GRIK3: variants seen among roughly 807,000 people sequenced by gnomAD.
GRIK3 encodes glutamate receptor ionotropic, kainate 3.
Under a neutral mutation model 102.5 loss-of-function variants are expected in GRIK3, and 29 were observed. The ratio of observed to expected loss-of-function variants is 0.28; its 90% CI spans 0.21 to 0.39. The LOEUF is 0.39. GRIK3 is among the 10% of genes least tolerant of loss of function. The probability of loss-of-function intolerance (pLI) is 1.00; values close to 1 mark genes in which losing one functional copy is unlikely to be tolerated. For synonymous variants in GRIK3, 511 were observed against 504.9 expected (o/e 1.01, Z -0.16); for missense variants, 908 against 1,252.4 (o/e 0.73, Z 4.15).
At chr1:37,024,782 A>G (rs1642751021) in intron 1 of GRIK3, among the ~76,000 whole-genome samples, 1 of 150,888 alleles carries the variant, frequency 6.6e-6, no homozygotes, top group South Asian at 2.1e-4. Flanking sequence ...TCAAGATTAC[A>G]CAGGTGGGAA....
Position 36,841,849 on chromosome 1 carries a change from G to T in GRIK3, c.1417C>A (p.Leu473Met), listed in dbSNP as rs2124216812. 4 of 1,614,092 alleles carry T rather than the reference G, an allele frequency of 2.5e-6. No homozygotes were observed. Among genetic ancestry groups the T allele is most frequent in the Non-Finnish European group, 3.4e-6 (4 of 1,179,924 alleles). The change falls in exon 10 of 16, where the codon CTG becomes ATG. Residue 473 changes from leucine (L) to methionine (M), a missense_variant. Physicochemically the swap from Leu to Met is conservative, Grantham distance 15 (BLOSUM62 2). Around this residue, in one of 3 missense-constraint regions of GRIK3, gnomAD observed 585 missense variants for 824.9 expected, o/e 0.71. Transcript: ENST00000373091. The part of the protein sequence containing the change: ...EGYCIDLLKE[L>M]AHILGFSYEI... ...TAGGAGAAACCAAGGATGTGGGCCAGCTCCTTTAGCAGGTCGATGCAGTAG... is the reference window on the plus strand; with the variant it reads ...TAGGAGAAACCAAGGATGTGGGCCATCTCCTTTAGCAGGTCGATGCAGTAG...
intron 1 of GRIK3, among the ~76,000 whole-genome samples, chr1:36,996,167 G>A (rs1196065922): frequency 6.6e-6 from 1 of 152,204 alleles, no homozygotes; most frequent in African/African-American, 2.4e-5. Context: ...CTGCTTCCAG[G>A]ATCTTACGGA....
intron 1 of GRIK3, among the ~76,000 whole-genome samples, chr1:36,933,320 C>T (rs1641618137): frequency 6.6e-6 from 1 of 152,146 alleles, no homozygotes; most frequent in Non-Finnish European, 1.5e-5. Context: ...CAAAGTCACT[C>T]GTGAAGGTGT....
chr1:36,859,354 C>T, intron 6 of GRIK3, 103 bp from the exon 7 acceptor site: 1 of 1,296,304 alleles, frequency 7.7e-7, no homozygotes, highest in South Asian at 1.4e-5. Flanking sequence ...TACATGATGT[C>T]CTGGTGAGCG....
At chr1:36,863,952 C>T (rs1640755293) in intron 5 of GRIK3, among the ~76,000 whole-genome samples, 1 of 152,106 alleles carries the variant, frequency 6.6e-6, no homozygotes, top group Non-Finnish European at 1.5e-5. Flanking sequence ...GGGGCAGCTT[C>T]AAGGAAGGGC....
chr1:36,861,956 C>G (rs1258114828), intron 5 of GRIK3, among the ~76,000 whole-genome samples: 2 of 152,068 alleles, frequency 1.3e-5, no homozygotes, highest in African/African-American at 4.8e-5. Flanking sequence ...GGTGGCAGTG[C>G]TCAGCCCTGC....
rs566390254 is a variant in GRIK3 at position 36,999,523 on chromosome 1, G to A, written c.115+34471C>T. On this transcript the variant is annotated intron_variant, in intron 1 of 15. Coordinates refer to ENST00000373091, the MANE Select transcript of GRIK3 (RefSeq NM_000831.4). ...ATCTCCCCTACTCACCACCCACAGA[G>A]GCCTGAGGCAGCTGGAAAGGGGCCT... is the stretch of plus-strand genomic sequence containing the variant. Among the ~76,000 whole-genome samples, 3 of 152,132 alleles carry A rather than the reference G, an allele frequency of 2.0e-5. No homozygotes were observed. The East Asian group carries it at 5.8e-4, about 29-fold the overall frequency.
At chr1:36,907,719 G>A (rs1469379785) in intron 1 of GRIK3, among the ~76,000 whole-genome samples, 1 of 152,118 alleles carries the variant, frequency 6.6e-6, no homozygotes, top group Non-Finnish European at 1.5e-5. Context: ...CAGTACAAGG[G>A]TGGGAGGTGT....
intron 5 of GRIK3, among the ~76,000 whole-genome samples, chr1:36,867,384 T>C (rs1487052761): frequency 2.6e-5 from 4 of 152,162 alleles, no homozygotes; most frequent in Admixed American, 2.6e-4. Flanking sequence ...CATCATAGAA[T>C]GTCTAGCATC....
chr1:36,804,753 G>T (rs572760774), intron 15 of GRIK3: 1 of 571,538 alleles, frequency 1.7e-6, no homozygotes, highest in East Asian at 3.0e-5. Context: ...TGAAGGCTGC[G>T]GCATAATCCA....
rs115672401 is a variant in GRIK3 at position 36,913,159 on chromosome 1, T to C, written c.116-22063A>G. 5.3e-3 allele frequency among the ~76,000 whole-genome samples: 808 copies of C among 152,278 alleles called. 6 individuals are homozygous for C. Among genetic ancestry groups the C allele is most frequent in the African/African-American group, 0.018 (767 of 41,562 alleles). ...TGCACAGAGAGGGCCTGGCTCTCCC[T>C]GGATGGGGGCGTGTCCCACCACCAT... On this transcript the variant is annotated intron_variant, in intron 1 of 15. Transcript: ENST00000373091.
chr1:36,909,552 C>T (rs1446097394), intron 1 of GRIK3, among the ~76,000 whole-genome samples: 8 of 152,160 alleles, frequency 5.3e-5, no homozygotes, highest in Non-Finnish European at 1.0e-4. Context: ...CTGCCTGCCT[C>T]GGCCTCCCAA....
chr1:36,992,753 G>A (rs551082609), intron 1 of GRIK3, among the ~76,000 whole-genome samples: 5 of 152,210 alleles, frequency 3.3e-5, no homozygotes, highest in South Asian at 2.1e-4. Context: ...AGCATCCTAA[G>A]CGGCTTCCAT....
intron 1 of GRIK3, among the ~76,000 whole-genome samples, chr1:36,924,597 T>A (rs1641508161): frequency 6.6e-6 from 1 of 152,114 alleles, no homozygotes; most frequent in South Asian, 2.1e-4. Context: ...CAGAGCCTCC[T>A]AATGCCTCCC....
chr1:36,897,937 T>C (rs189058515), intron 1 of GRIK3, among the ~76,000 whole-genome samples: 1 of 152,188 alleles, frequency 6.6e-6, no homozygotes, highest in Non-Finnish European at 1.5e-5. Context: ...GTGGTGCTTA[T>C]ACACAATGGA....
In GRIK3 at chr1:36,795,835, G is replaced by A. The variant is rs903680482; in HGVS notation, c.*6016C>T. On this transcript the variant is annotated 3_prime_UTR_variant, in exon 16 of 16. Transcript: ENST00000373091. ...GGAGTGGGGGGCGTCCAGGCACTCT[G>A]GTCTGGGTGGTGGGACAGGTCTAGG... The A allele has an allele frequency of 1.3e-5, 2 of 152,272 alleles. No individual in the cohort carries two copies. Among genetic ancestry groups the A allele is most frequent in the East Asian group, 3.9e-4 (2 of 5,186 alleles). 9.4% of individuals were successfully genotyped at this position (152,272 alleles called of 1,614,324 possible).
At chr1:37,015,420 G>C (rs1406755066) in intron 1 of GRIK3, among the ~76,000 whole-genome samples, 2 of 152,212 alleles carry the variant, frequency 1.3e-5, no homozygotes, top group Non-Finnish European at 2.9e-5. Flanking sequence ...TTAATCTGAA[G>C]CTTCCCACTG....
At position 36,959,897 on chromosome 1, in the gene GRIK3, C is replaced by T. The variant is rs566630949; in HGVS notation, c.116-68801G>A. ...GCCGTGTGCCCCATGATTCTGTGCCCCATGAGCCTGTGTGCCCTGTGAGCC... is the reference window on the plus strand; with the variant it reads ...GCCGTGTGCCCCATGATTCTGTGCCTCATGAGCCTGTGTGCCCTGTGAGCC... On this transcript the variant is annotated intron_variant, in intron 1 of 15. Coordinates refer to ENST00000373091, the MANE Select transcript of GRIK3 (RefSeq NM_000831.4). Among the ~76,000 whole-genome samples, 78 of 119,380 alleles carry T rather than the reference C, an allele frequency of 6.5e-4. 4 individuals are homozygous for T. Among genetic ancestry groups the T allele is most frequent in the African/African-American group, 2.2e-3 (74 of 33,998 alleles). The allele number at this position is 119,380 out of a possible 152,430, so 78.3% of individuals were successfully genotyped here.
At chr1:36,868,505 G>A (rs1044896874) in intron 5 of GRIK3, among the ~76,000 whole-genome samples, 8 of 152,192 alleles carry the variant, frequency 5.3e-5, no homozygotes, top group African/African-American at 1.9e-4. Flanking sequence ...GAGGATAAGT[G>A]CTTAATAACC....
Sources: allele counts gnomAD v4.1 joint callset (sites outside exome capture counted in the v4.1 genomes callset), GRCh38; gene constraint gnomAD v4.1.1; regional missense constraint gnomAD v4.1.1; transcripts MANE v1.5; gene names NCBI Gene and HGNC (gene_info 2026-07-23, HGNC 2026-07-21).